GABBR2: variants seen among roughly 807,000 people sequenced by gnomAD.
GABBR2 encodes gamma-aminobutyric acid type B receptor subunit 2, also known as G-protein coupled receptor 51.
A neutral mutation model predicts 105.6 loss-of-function variants in GABBR2; 23 were observed. That is an observed-to-expected ratio of 0.22 (90% confidence interval 0.16 to 0.31). The LOEUF is 0.31. Among genes scored for constraint, GABBR2 ranks in the 10% least tolerant of loss-of-function variants. The pLI, the probability that GABBR2 is intolerant of heterozygous loss-of-function variation, is 1.00. For missense variants in GABBR2, 734 were observed against 1,245.5 expected (o/e 0.59, Z 6.18); for synonymous variants, 478 against 499.7 (o/e 0.96, Z 0.58).
At chr9:98,303,482 C>A (rs541597861) in intron 15 of GABBR2, 59 bp from the exon 16 acceptor site, 1 of 1,442,240 alleles carries the variant, frequency 6.9e-7, no homozygotes. Context: ...TTCCTCCCAT[C>A]CCACATGGCA....
chr9:98,551,859 T>C (rs1055788469), intron 2 of GABBR2, among the ~76,000 whole-genome samples: 1 of 152,216 alleles, frequency 6.6e-6, no homozygotes, highest in Non-Finnish European at 1.5e-5. Flanking sequence ...ATGTCTGTTT[T>C]TCTCATCTCT....
chr9:98,600,510 A>G (rs1396350844), intron 1 of GABBR2, among the ~76,000 whole-genome samples: 1 of 152,236 alleles, frequency 6.6e-6, no homozygotes, highest in Non-Finnish European at 1.5e-5. Context: ...ACTGGGTGAG[A>G]GAGGGGCTCT....
intron 2 of GABBR2, among the ~76,000 whole-genome samples, chr9:98,542,774 T>C (rs994074241): frequency 6.6e-6 from 1 of 152,232 alleles, no homozygotes; most frequent in African/African-American, 2.4e-5. Context: ...TCTGTCTAAT[T>C]TTATAATGAT....
intron 3 of GABBR2, among the ~76,000 whole-genome samples, chr9:98,537,169 C>T (rs1046943259): frequency 6.6e-6 from 1 of 152,178 alleles, no homozygotes; most frequent in African/African-American, 2.4e-5. Flanking sequence ...ATTTTCAAAG[C>T]TCCCCAGATG....
chr9:98,522,503 T>G (rs889222919), intron 3 of GABBR2, among the ~76,000 whole-genome samples: 1 of 152,096 alleles, frequency 6.6e-6, no homozygotes, highest in African/African-American at 2.4e-5. Context: ...AAACTTTATC[T>G]CCAAAGGAAC....
chr9:98,691,040 T>G (rs1830676237), intron 1 of GABBR2, among the ~76,000 whole-genome samples: 1 of 152,220 alleles, frequency 6.6e-6, no homozygotes, highest in Non-Finnish European at 1.5e-5. Context: ...TGATTGCATC[T>G]ATTATGTCCA....
At chr9:98,602,769 C>CT (rs1291750304) in intron 1 of GABBR2, among the ~76,000 whole-genome samples, 1 of 152,182 alleles carries the variant, frequency 6.6e-6, no homozygotes, top group South Asian at 2.1e-4. Flanking sequence ...TGCTCGGTTT[C>CT]TTTTTTTAGC....
intron 7 of GABBR2, among the ~76,000 whole-genome samples, chr9:98,436,356 T>TACC (rs1825917001): frequency 3.5e-4 from 1 of 2,828 alleles, no homozygotes; most frequent in East Asian, 0.012. Flanking sequence ...ACCATATATA[T>TACC]ATATATATAT....
chr9:98,564,064 T>G (rs1052983951), intron 2 of GABBR2, among the ~76,000 whole-genome samples: 2 of 152,180 alleles, frequency 1.3e-5, no homozygotes, highest in Non-Finnish European at 2.9e-5. Context: ...GTAATAAGTT[T>G]AAAAGTGCTA....
In GABBR2 at chr9:98,566,971, T is replaced by G. The variant is rs527896890; in HGVS notation, c.459+10964A>C. Among the ~76,000 whole-genome samples, 3 of 152,340 alleles carry G rather than the reference T, an allele frequency of 2.0e-5. No homozygotes were observed. The South Asian group carries it at 6.2e-4, about 32-fold the overall frequency. On this transcript the variant is annotated intron_variant, in intron 2 of 18. Coordinates refer to ENST00000259455, the MANE Select transcript of GABBR2 (RefSeq NM_005458.8). The stretch of plus-strand genomic sequence containing the variant: ...TGGTGTTAATCCCATTTTACATGTT[T>G]GTCCCCAGAGGGAGCTCATTTTCAA...
chr9:98,610,135 C>G (rs1198920982), intron 1 of GABBR2, among the ~76,000 whole-genome samples: 1 of 152,238 alleles, frequency 6.6e-6, no homozygotes, highest in Non-Finnish European at 1.5e-5. Flanking sequence ...CCTAGGAGGG[C>G]AGTGCAGCCT....
At chr9:98,382,179 G>C (rs1301757476) in intron 11 of GABBR2, among the ~76,000 whole-genome samples, 1 of 152,162 alleles carries the variant, frequency 6.6e-6, no homozygotes, top group Non-Finnish European at 1.5e-5. Flanking sequence ...GATGGGCAGA[G>C]TGGCCCCCGG....
At chr9:98,607,984 G>A (rs1183279979) in intron 1 of GABBR2, 2 of 1,294,884 alleles carry the variant, frequency 1.5e-6, no homozygotes, top group Non-Finnish European at 2.2e-6. Flanking sequence ...CAAATGAAAA[G>A]GAATTTGGAA....
At chr9:98,391,002 C>T (rs1205167729) in intron 9 of GABBR2, among the ~76,000 whole-genome samples, 1 of 152,132 alleles carries the variant, frequency 6.6e-6, no homozygotes, top group East Asian at 1.9e-4. Flanking sequence ...CAGCAGAAGT[C>T]CTGAGTTTTC....
intron 1 of GABBR2, among the ~76,000 whole-genome samples, chr9:98,597,797 A>T (rs2131801584): frequency 6.6e-6 from 1 of 152,240 alleles, no homozygotes; most frequent in African/African-American, 2.4e-5. Context: ...GTATTCACTT[A>T]TAAGTAAGCT....
chr9:98,607,299 G>C, intron 1 of GABBR2: 2 of 855,944 alleles, frequency 2.3e-6, no homozygotes, highest in South Asian at 2.7e-5. Context: ...GCCTGATAAC[G>C]GTGTAGCGTT....
Position 98,546,933 on chromosome 9 carries a change from G to A in GABBR2, c.460-4890C>T, listed in dbSNP as rs1251523910. 5.0e-5 allele frequency among the ~76,000 whole-genome samples: 6 copies of A among 120,596 alleles called. 1 individual carries two copies. The highest frequency in any genetic ancestry group is 1.1e-4 in the Non-Finnish European group (6 of 53,890). The allele number at this position is 120,596 out of a possible 152,430, so 79.1% of individuals were successfully genotyped here. A position where few individuals can be genotyped will look rare whatever the true frequency, so the allele number is the denominator to read the frequency against. On this transcript the variant is annotated intron_variant, in intron 2 of 18. Coordinates refer to ENST00000259455, the MANE Select transcript of GABBR2 (RefSeq NM_005458.8). The stretch of plus-strand genomic sequence containing the variant: ...AATAGGTACCTTGAGAAGGATAAAG[G>A]GTTGACAACTTACTGAGGATGGCCC...
At chr9:98,389,149 G>A (rs577556444) in intron 9 of GABBR2, 145 bp from the exon 10 acceptor site, 87 of 626,398 alleles carry the variant, frequency 1.4e-4, no homozygotes, top group African/African-American at 1.2e-3. Context: ...AGCCAGATCC[G>A]GTGGTTGGCC....
chr9:98,527,761 T>C (rs1827988186), intron 3 of GABBR2, among the ~76,000 whole-genome samples: 1 of 152,168 alleles, frequency 6.6e-6, no homozygotes, highest in African/African-American at 2.4e-5. Flanking sequence ...TCAACTCTTC[T>C]ACAAATTAAT....
Sources: gnomAD v4.1 joint callset for allele counts (sites outside exome capture counted in the v4.1 genomes callset) on GRCh38, gnomAD v4.1.1 for gene constraint, MANE v1.5 for transcripts, NCBI Gene and HGNC (gene_info 2026-07-23, HGNC 2026-07-21) for gene names.